PITPNM2: variants seen among roughly 807,000 people sequenced by gnomAD.
PITPNM2 encodes phosphatidylinositol transfer protein membrane associated 2.
In PITPNM2, 35 loss-of-function variants were observed where a neutral mutation model predicts 132.2. The observed-to-expected ratio is 0.26, with a 90% confidence interval of 0.20 to 0.35. The LOEUF (loss-of-function observed/expected upper bound fraction) is 0.35. Among genes scored for constraint, PITPNM2 ranks in the 10% least tolerant of loss-of-function variants. The pLI, the probability that PITPNM2 is intolerant of heterozygous loss-of-function variation, is 1.00. For synonymous variants in PITPNM2, 738 were observed against 799.2 expected, an observed-to-expected ratio of 0.92 and a Z score of 1.29; for missense variants, 1,332 against 1,912.0, an observed-to-expected ratio of 0.70 and a Z score of 5.66.
rs372919659 is a variant in PITPNM2 at position 122,989,935 on chromosome 12, C to G, written c.2583G>C (p.Ala861=). 8.4e-6 allele frequency: 11 copies of G among 1,307,028 alleles called. No individual in the cohort carries two copies. In the East Asian group the frequency reaches 2.8e-4, roughly 33 times the overall value. 81.0% of individuals were successfully genotyped at this position (1,307,028 alleles called of 1,614,324 possible). ...GCCTGACGCTGGGGGTATGGCTGAG[C>G]GCATCGGGGGCCTCTGAGAAGCAAG... ...ASSIAQKAPD[A]LSHTPSVRRL... Residue 861 remains alanine, a synonymous_variant, in exon 18 of 26, where the codon GCG becomes GCC. Transcript: ENST00000320201.
Position 123,031,992 on chromosome 12 carries a change from C to T in PITPNM2, c.78+2521G>A, listed in dbSNP as rs904730147. On this transcript the variant is annotated intron_variant, in intron 3 of 25. Coordinates refer to ENST00000320201, the MANE Select transcript of PITPNM2 (RefSeq NM_020845.3). The surrounding 1 kb of genome is among the most constrained non-coding windows in gnomAD (Gnocchi z 4.5). ...AGGGCCCTGAGAGTGCTGATGCTCACGATCTGCAAGGCGGGAGATGTTTCC... is the reference window on the plus strand; with the variant it reads ...AGGGCCCTGAGAGTGCTGATGCTCATGATCTGCAAGGCGGGAGATGTTTCC... 3.3e-5 allele frequency among the ~76,000 whole-genome samples: 5 copies of T among 152,158 alleles called. No individual in the cohort carries two copies. Among genetic ancestry groups the T allele is most frequent in the African/African-American group, 9.7e-5 (4 of 41,442 alleles).
intron 1 of PITPNM2, among the ~76,000 whole-genome samples, chr12:123,122,594 G>T (rs1049949188): frequency 2.0e-5 from 3 of 152,154 alleles, no homozygotes; most frequent in African/African-American, 7.2e-5. Context: ...GTTAGCTTCT[G>T]GTGTTTCTCA....
At chr12:123,068,195 C>CGGCCGGGCGG (rs1555294142) in intron 2 of PITPNM2, among the ~76,000 whole-genome samples, 6 of 3,694 alleles carry the variant, frequency 1.6e-3, no homozygotes, top group Non-Finnish European at 3.4e-3. Flanking sequence ...CGGCCGGGCA[C>CGGCCGGGCGG]GGTGGCTCAC....
intron 8 of PITPNM2, 50 bp from the exon 9 acceptor site, chr12:123,001,208 C>T: frequency 6.7e-7 from 1 of 1,495,166 alleles, no homozygotes; most frequent in Admixed American, 1.7e-5. Flanking sequence ...GCTGGGGAAG[C>T]CTGGCTTCCC....
chr12:123,106,831 C>G lies in PITPNM2; in HGVS notation c.-96+3554G>C, dbSNP rs2042725797. Among the ~76,000 whole-genome samples, 2 of 152,234 alleles carry G rather than the reference C, an allele frequency of 1.3e-5. No individual in the cohort carries two copies. Among genetic ancestry groups the G allele is most frequent in the Admixed American group, 6.5e-5 (1 of 15,280 alleles). ...CCATAACCTCCCCATGCTCTGGGCT[C>G]TCTGGGCAGCCTTCTAACATGCGAG... On this transcript the variant is annotated intron_variant, in intron 2 of 25. Coordinates refer to ENST00000320201, the MANE Select transcript of PITPNM2 (RefSeq NM_020845.3). This position sits in a 1 kb window ranked among gnomAD's most constrained non-coding sequence, Gnocchi z 4.4.
chr12:123,057,296 C>A (rs569503547), intron 2 of PITPNM2, among the ~76,000 whole-genome samples: 1 of 151,338 alleles, frequency 6.6e-6, no homozygotes, highest in Admixed American at 6.6e-5. Context: ...AGGAGAATCG[C>A]TTGAACCCGG....
chr12:123,054,942 T>C (rs2040975245), intron 2 of PITPNM2, among the ~76,000 whole-genome samples: 1 of 152,072 alleles, frequency 6.6e-6, no homozygotes, highest in Non-Finnish European at 1.5e-5. Flanking sequence ...GATACGCTTG[T>C]AGTTCCAGCT....
chr12:123,059,108 A>C lies in PITPNM2; in HGVS notation c.-95-24423T>G, dbSNP rs1168115547. ...GGCAGAGGTCAGCATCTAGGCAGGG[A>C]GAGAACCAGGCAGGGAGAAGGCCAA... On this transcript the variant is annotated intron_variant, in intron 2 of 25. Transcript: ENST00000320201. Among the ~76,000 whole-genome samples the C allele has an allele frequency of 2.0e-5, 3 of 152,326 alleles. 1 individual carries two copies. The East Asian group carries it at 5.8e-4, about 29-fold the overall frequency.
intron 3 of PITPNM2, among the ~76,000 whole-genome samples, chr12:123,025,617 A>G (rs2039837966): frequency 6.6e-6 from 1 of 151,936 alleles, no homozygotes; most frequent in Non-Finnish European, 1.5e-5. Context: ...TTTTTACTAG[A>G]GATGGGGTTT....
intron 11 of PITPNM2, among the ~76,000 whole-genome samples, 186 bp from the exon 12 acceptor site, chr12:122,997,096 T>TC (rs2038462739): frequency 6.6e-6 from 1 of 152,006 alleles, no homozygotes; most frequent in Non-Finnish European, 1.5e-5. Context: ...CAGGCCAATA[T>TC]CCCCACATTA....
At chr12:123,126,740 C>T (rs2043148246) in intron 1 of PITPNM2, among the ~76,000 whole-genome samples, 2 of 152,054 alleles carry the variant, frequency 1.3e-5, no homozygotes, top group Admixed American at 1.3e-4. Flanking sequence ...ATGGTAGCCC[C>T]AGTCAGCTGA....
Position 123,058,412 on chromosome 12 carries a change from T to G in PITPNM2, c.-95-23727A>C, listed in dbSNP as rs1388698697. On this transcript the variant is annotated intron_variant, in intron 2 of 25. Transcript: ENST00000320201. This position sits in a 1 kb window ranked among gnomAD's most constrained non-coding sequence, Gnocchi z 4.0. Reference sequence around the variant, plus strand: ...TCTAATTGGCCTCTATGTTTCCAGTTTGGTTCCTCTGAAATCCTCCTTCTA... The same window carrying G: ...TCTAATTGGCCTCTATGTTTCCAGTGTGGTTCCTCTGAAATCCTCCTTCTA... Among the ~76,000 whole-genome samples the G allele has an allele frequency of 6.6e-6, 1 of 152,240 alleles. No homozygotes were observed. Among genetic ancestry groups the G allele is most frequent in the Non-Finnish European group, 1.5e-5 (1 of 68,042 alleles).
intron 1 of PITPNM2, among the ~76,000 whole-genome samples, chr12:123,126,443 G>A (rs1193038759): frequency 3.3e-5 from 5 of 152,152 alleles, no homozygotes; most frequent in African/African-American, 4.8e-5. Flanking sequence ...AGCTTCAGGC[G>A]AAAAGCTGTC....
At position 123,099,754 on chromosome 12, in the gene PITPNM2, C is replaced by T. The variant is rs1371262692; in HGVS notation, c.-96+10631G>A. Among the ~76,000 whole-genome samples, 2 of 152,168 alleles carry T rather than the reference C, an allele frequency of 1.3e-5. No homozygotes were observed. The highest frequency in any genetic ancestry group is 6.5e-5 in the Admixed American group (1 of 15,282). ...CTGTTCCAAGTCCCACCTACAGCCT[C>T]TCAGATCCCACAGCTGGCGCACTAT... On this transcript the variant is annotated intron_variant, in intron 2 of 25. Coordinates refer to ENST00000320201, the MANE Select transcript of PITPNM2 (RefSeq NM_020845.3). This position sits in a 1 kb window ranked among gnomAD's most constrained non-coding sequence, Gnocchi z 4.2.
rs752349378 is a variant in PITPNM2 at position 122,991,772 on chromosome 12, C to T, written c.2404+727G>A. 5.4e-6 allele frequency: 7 copies of T among 1,297,698 alleles called. No homozygotes were observed. The Admixed American group carries it at 9.2e-5, about 17-fold the overall frequency. 80.4% of individuals were successfully genotyped at this position (1,297,698 alleles called of 1,614,324 possible). On this transcript the variant is annotated intron_variant, in intron 16 of 25. Coordinates refer to ENST00000320201, the MANE Select transcript of PITPNM2 (RefSeq NM_020845.3). Reference sequence around the variant, plus strand: ...GTACACACACTCGGCACAGCCCGGGCGGGGCCCGTCTTGCCAGGTGGGCGC... The same window carrying T: ...GTACACACACTCGGCACAGCCCGGGTGGGGCCCGTCTTGCCAGGTGGGCGC...
chr12:123,037,973 G>A (rs542573556), intron 2 of PITPNM2, among the ~76,000 whole-genome samples: 6 of 151,984 alleles, frequency 3.9e-5, no homozygotes, highest in Admixed American at 1.3e-4. Context: ...ATATTTTTGC[G>A]TGCAGGCAGA....
intron 3 of PITPNM2, among the ~76,000 whole-genome samples, chr12:123,029,827 CTGTGTGTGTGTG>C (rs57222285): frequency 2.2e-5 from 3 of 135,488 alleles, no homozygotes; most frequent in South Asian, 2.3e-4. Context: ...ACATATGTGT[CTGTGTGTGTGTG>C]TGTGTGTGTG....
rs2038608387 is a variant in PITPNM2 at position 123,000,386 on chromosome 12, C to T, written c.1224+392G>A. On this transcript the variant is annotated intron_variant, in intron 10 of 25. Transcript: ENST00000320201. This position sits in a 1 kb window ranked among gnomAD's most constrained non-coding sequence, Gnocchi z 5.4. ...CTTGTCGGCCACGGCCACATCACTT[C>T]TGCCTAGACGACTGTCGCTTCCTCC... 1.4e-6 allele frequency: 1 copy of T among 702,308 alleles called. No homozygotes were observed. Among genetic ancestry groups the T allele is most frequent in the Non-Finnish European group, 2.6e-6 (1 of 384,930 alleles). 43.5% of individuals were successfully genotyped at this position (702,308 alleles called of 1,614,324 possible).
In PITPNM2 at chr12:123,031,409, G is replaced by T. The variant is rs1359113033; in HGVS notation, c.78+3104C>A. On this transcript the variant is annotated intron_variant, in intron 3 of 25. Coordinates refer to ENST00000320201, the MANE Select transcript of PITPNM2 (RefSeq NM_020845.3). This position sits in a 1 kb window ranked among gnomAD's most constrained non-coding sequence, Gnocchi z 4.5. ...CATCCGCCTGTCTAAGACCCAGCTG[G>T]GGCAGGGCTGGCCAGCAGGGGCCTT... is the stretch of plus-strand genomic sequence containing the variant. Among the ~76,000 whole-genome samples the T allele has an allele frequency of 1.3e-5, 2 of 152,214 alleles. No individual in the cohort carries two copies. Among genetic ancestry groups the T allele is most frequent in the African/African-American group, 4.8e-5 (2 of 41,460 alleles).
Sources: allele counts gnomAD v4.1 joint callset (sites outside exome capture counted in the v4.1 genomes callset), GRCh38; gene constraint gnomAD v4.1.1; non-coding constraint Gnocchi (gnomAD v3.1); transcripts MANE v1.5; gene names NCBI Gene and HGNC (gene_info 2026-07-23, HGNC 2026-07-21).